The following CCDC178 variants were observed in gnomAD, a reference collection of about 807,000 sequenced individuals.
The protein encoded by CCDC178 is coiled-coil domain containing 178.
Under a neutral mutation model 117.4 loss-of-function variants are expected in CCDC178, and 126 were observed. That is an observed-to-expected ratio of 1.07 (90% CI 0.93 to 1.24). The LOEUF (loss-of-function observed/expected upper bound fraction) is 1.24, where lower values mean the gene tolerates loss of function less well. CCDC178 is among the 50% of genes most tolerant of loss of function. The pLI is 0.00. For synonymous variants in CCDC178, 283 were observed against 313.4 expected (o/e 0.90, Z 1.02); for missense variants, 1,030 against 986.9 (o/e 1.04, Z -0.59).
chr18:33,349,603 G>A (rs555985485), intron 7 of CCDC178, among the ~76,000 whole-genome samples: 1 of 151,886 alleles, frequency 6.6e-6, no homozygotes, highest in South Asian at 2.1e-4. Context: ...TCTCTGGTGT[G>A]ATTCTAGAAT....
At chr18:33,408,119 ATTAAAT>A (rs897759169) in intron 3 of CCDC178, among the ~76,000 whole-genome samples, 1 of 151,996 alleles carries the variant, frequency 6.6e-6, no homozygotes, top group Non-Finnish European at 1.5e-5. Flanking sequence ...TATGCAAGTC[ATTAAAT>A]TTAAAGATTA....
In CCDC178 at chr18:32,937,780, C is replaced by T. The variant is rs957021357; in HGVS notation, c.*231G>A. 1.5e-5 allele frequency: 7 copies of T among 470,188 alleles called. 1 individual carries two copies. Among genetic ancestry groups the T allele is most frequent in the South Asian group, 1.2e-4 (3 of 25,684 alleles). 29.1% of individuals were successfully genotyped at this position (470,188 alleles called of 1,614,324 possible). ...TGAGGCAAAGCCAATTGCAATCAGT[C>T]ACCCAGAGCTGAAATTAGATCGTTC... On this transcript the variant is annotated 3_prime_UTR_variant, in exon 23 of 23. Coordinates refer to ENST00000383096, the MANE Select transcript of CCDC178 (RefSeq NM_001105528.4).
At chr18:33,097,677 G>T (rs898214213) in intron 20 of CCDC178, among the ~76,000 whole-genome samples, 4 of 152,036 alleles carry the variant, frequency 2.6e-5, no homozygotes, top group Non-Finnish European at 5.9e-5. Context: ...TATATGCAAT[G>T]CAGTCTTCAT....
At chr18:33,396,478 T>C (rs1031518967) in intron 4 of CCDC178, among the ~76,000 whole-genome samples, 1 of 152,118 alleles carries the variant, frequency 6.6e-6, no homozygotes, top group African/African-American at 2.4e-5. Context: ...ACAGGATATA[T>C]GTACAAGGAG....
chr18:32,968,234 G>T (rs996139305), intron 22 of CCDC178, among the ~76,000 whole-genome samples: 5 of 151,932 alleles, frequency 3.3e-5, no homozygotes, highest in Non-Finnish European at 7.4e-5. Flanking sequence ...ATGTGAATGA[G>T]ATTATGTGGT....
At chr18:33,306,601 G>A (rs1053886494) in intron 11 of CCDC178, among the ~76,000 whole-genome samples, 1 of 119,648 alleles carries the variant, frequency 8.4e-6, no homozygotes, top group African/African-American at 3.1e-5. Flanking sequence ...GTTATATATG[G>A]TTTTTTATAT....
At chr18:33,430,215 C>A (rs2144965388) in intron 2 of CCDC178, among the ~76,000 whole-genome samples, 1 of 152,112 alleles carries the variant, frequency 6.6e-6, no homozygotes, top group Admixed American at 6.5e-5. Context: ...TATAATAAAA[C>A]TATTTGGAGC....
At chr18:33,164,937 G>A (rs1475829191) in intron 20 of CCDC178, among the ~76,000 whole-genome samples, 1 of 152,166 alleles carries the variant, frequency 6.6e-6, no homozygotes, top group Non-Finnish European at 1.5e-5. Context: ...GTAATATCAT[G>A]CATTGGTCAT....
intron 20 of CCDC178, among the ~76,000 whole-genome samples, chr18:33,127,409 G>C (rs1472305755): frequency 1.3e-5 from 2 of 151,946 alleles, no homozygotes; most frequent in South Asian, 2.1e-4. Flanking sequence ...CCCATAAATA[G>C]CTTCATATTT....
chr18:32,964,661 GT>G (rs2054773312), intron 22 of CCDC178, among the ~76,000 whole-genome samples: 1 of 151,900 alleles, frequency 6.6e-6, no homozygotes, highest in African/African-American at 2.4e-5. Context: ...GATAGGTGCT[GT>G]TTATACCTGC....
chr18:33,381,395 A>ATG, intron 5 of CCDC178, among the ~76,000 whole-genome samples: 1 of 152,182 alleles, frequency 6.6e-6, no homozygotes. Flanking sequence ...TTATATATAT[A>ATG]TAACCAGAGA....
At chr18:33,258,394 C>T (rs147337348) in intron 14 of CCDC178, among the ~76,000 whole-genome samples, 11 of 152,194 alleles carry the variant, frequency 7.2e-5, no homozygotes, top group Non-Finnish European at 1.6e-4. Flanking sequence ...CTTCCTCAGA[C>T]GTGCTTGACT....
chr18:33,330,382 T>C (rs1236026379), intron 10 of CCDC178, among the ~76,000 whole-genome samples: 1 of 152,160 alleles, frequency 6.6e-6, no homozygotes, highest in Non-Finnish European at 1.5e-5. Flanking sequence ...CCACAGTGGA[T>C]GGTTTCACAG....
chr18:33,407,292 T>C (rs569862787), intron 3 of CCDC178, among the ~76,000 whole-genome samples: 1 of 152,256 alleles, frequency 6.6e-6, no homozygotes, highest in South Asian at 2.1e-4. Context: ...CTCTATGTTA[T>C]TTCAAGGGAA....
chr18:33,388,519 A>ATTTTTTTTT lies in CCDC178; in HGVS notation c.208+1012_208+1020dup, dbSNP rs71159828. Among the ~76,000 whole-genome samples the ATTTTTTTTT allele has an allele frequency of 2.0e-4, 13 of 65,266 alleles. 6 individuals carry two copies. Among genetic ancestry groups the ATTTTTTTTT allele is most frequent in the Non-Finnish European group, 2.6e-4 (10 of 38,658 alleles). 42.8% of individuals were successfully genotyped at this position (65,266 alleles called of 152,430 possible). On this transcript the variant is annotated intron_variant, in intron 5 of 22. Coordinates refer to ENST00000383096, the MANE Select transcript of CCDC178 (RefSeq NM_001105528.4). Reference sequence around the variant, plus strand: ...AAATGTGGTACATATACACCACGGAATTTTTTTTTTTTTTTTTTGAGACGG... The same window carrying ATTTTTTTTT: ...AAATGTGGTACATATACACCACGGAATTTTTTTTTTTTTTTTTTTTTTTTTTTGAGACGG...
At chr18:33,024,194 C>T (rs760620233) in intron 21 of CCDC178, among the ~76,000 whole-genome samples, 9 of 152,300 alleles carry the variant, frequency 5.9e-5, no homozygotes, top group South Asian at 2.1e-4. Context: ...CAGTTATATA[C>T]ATTCTCTGTA....
chr18:33,193,693 T>C (rs1450564717), intron 20 of CCDC178, among the ~76,000 whole-genome samples: 1 of 152,334 alleles, frequency 6.6e-6, no homozygotes, highest in East Asian at 1.9e-4. Flanking sequence ...CAAATACCCA[T>C]AGTTTATTGA....
At chr18:33,228,459 T>C (rs1176590250) in intron 15 of CCDC178, among the ~76,000 whole-genome samples, 3 of 152,220 alleles carry the variant, frequency 2.0e-5, no homozygotes, top group Admixed American at 6.5e-5. Context: ...GCAGGCAGTA[T>C]ATGAGACATT....
At chr18:33,197,640 A>AAAC (rs1296263843) in intron 20 of CCDC178, among the ~76,000 whole-genome samples, 164 of 151,622 alleles carry the variant, frequency 1.1e-3, no homozygotes, top group Non-Finnish European at 1.7e-3. Flanking sequence ...AAAAAAAAAA[A>AAAC]TACTTATGCT....
Sources: allele counts gnomAD v4.1 joint callset (sites outside exome capture counted in the v4.1 genomes callset), GRCh38; gene constraint gnomAD v4.1.1; transcripts MANE v1.5; gene names NCBI Gene and HGNC (gene_info 2026-07-23, HGNC 2026-07-21).